The following MINDY3 variants were observed in gnomAD, a reference collection of about 807,000 sequenced individuals.
MINDY3 encodes MINDY lysine 48 deubiquitinase 3.
Under a neutral mutation model 69.2 loss-of-function variants are expected in MINDY3, and 38 were observed. The ratio of observed to expected loss-of-function variants is 0.55; its 90% CI spans 0.42 to 0.72. The LOEUF (loss-of-function observed/expected upper bound fraction) is 0.72, where lower values mean the gene tolerates loss of function less well. MINDY3 is among the 30% of genes least tolerant of loss of function. The probability of loss-of-function intolerance (pLI) is 0.00; values close to 1 mark genes in which losing one functional copy is unlikely to be tolerated. For synonymous variants in MINDY3, 192 were observed against 180.1 expected (o/e 1.07, Z -0.53); for missense variants, 522 against 519.0 (o/e 1.01, Z -0.06).
At chr10:15,819,475 G>A (rs1486619944) in intron 9 of MINDY3, among the ~76,000 whole-genome samples, 1 of 152,092 alleles carries the variant, frequency 6.6e-6, no homozygotes, top group African/African-American at 2.4e-5. Context: ...CACACTCCAG[G>A]GATCACCCTA....
intron 10 of MINDY3, among the ~76,000 whole-genome samples, chr10:15,816,288 GA>G (rs1331576458): frequency 0.023 from 2,631 of 113,948 alleles, 112 homozygotes; most frequent in African/African-American, 0.13. Context: ...AAATGAAAAA[GA>G]AAAAAAATAA....
intron 6 of MINDY3, among the ~76,000 whole-genome samples, chr10:15,835,722 C>A (rs1461108507): frequency 6.8e-6 from 1 of 146,078 alleles, no homozygotes; most frequent in Non-Finnish European, 1.5e-5. Context: ...ATCTTAGATA[C>A]CACCATCACA....
At chr10:15,856,718 G>A (rs1010445394) in intron 1 of MINDY3, among the ~76,000 whole-genome samples, 1 of 152,142 alleles carries the variant, frequency 6.6e-6, no homozygotes, top group African/African-American at 2.4e-5. Context: ...CAAACACTGA[G>A]CTAAGCAATC....
At chr10:15,829,850 T>C (rs1046024232) in intron 8 of MINDY3, among the ~76,000 whole-genome samples, 3 of 152,174 alleles carry the variant, frequency 2.0e-5, no homozygotes, top group Admixed American at 6.5e-5. Context: ...TTAACCTCAA[T>C]GCACAGGTAA....
At chr10:15,786,505 T>A (rs945638080) in intron 13 of MINDY3, 56 bp downstream of exon 13, 9 of 1,040,418 alleles carry the variant, frequency 8.7e-6, no homozygotes, top group Admixed American at 2.0e-5. Flanking sequence ...CTGCAAACAA[T>A]CACAGGTAAT....
In MINDY3 at chr10:15,778,366, C is replaced by T. The variant is rs1462298444; in HGVS notation, c.*626G>A. On this transcript the variant is annotated 3_prime_UTR_variant, in exon 15 of 15. Coordinates refer to ENST00000277632, the MANE Select transcript of MINDY3 (RefSeq NM_024948.4). The stretch of plus-strand genomic sequence containing the variant: ...ACACAGTAAAAGTTAACAGTGTTGA[C>T]TATCAGATTCTCTTTTCTGTCAGTT... 6.6e-6 allele frequency: 1 copy of T among 152,130 alleles called. No individual in the cohort carries two copies. The highest frequency in any genetic ancestry group is 1.9e-4 in the East Asian group (1 of 5,194). The allele number at this position is 152,130 out of a possible 1,614,324, so 9.4% of individuals were successfully genotyped here.
intron 13 of MINDY3, among the ~76,000 whole-genome samples, chr10:15,785,054 C>T (rs1256550240): frequency 6.6e-6 from 1 of 152,154 alleles, no homozygotes; most frequent in African/African-American, 2.4e-5. Context: ...CTTAAAGTCT[C>T]TGCTTCAGGG....
chr10:15,848,574 C>T (rs1834019391), intron 1 of MINDY3, among the ~76,000 whole-genome samples: 1 of 128,260 alleles, frequency 7.8e-6, no homozygotes, highest in Admixed American at 9.7e-5. Flanking sequence ...GCGGAGCTTG[C>T]ACTGAGCTGA....
At chr10:15,798,632 T>C (rs1564468110) in intron 10 of MINDY3, among the ~76,000 whole-genome samples, 2 of 151,928 alleles carry the variant, frequency 1.3e-5, no homozygotes. Context: ...ATACAAAAAA[T>C]AGCTGGGTGT....
At chr10:15,804,828 T>A (rs1051272109) in intron 10 of MINDY3, among the ~76,000 whole-genome samples, 8 of 152,112 alleles carry the variant, frequency 5.3e-5, no homozygotes, top group Admixed American at 2.0e-4. Flanking sequence ...ATTCAGTTAA[T>A]CCCAATACCT....
At chr10:15,820,279 C>T (rs574503495) in intron 9 of MINDY3, among the ~76,000 whole-genome samples, 3 of 152,140 alleles carry the variant, frequency 2.0e-5, no homozygotes, top group African/African-American at 4.8e-5. Flanking sequence ...GAGGGCTCGG[C>T]GTGTCTGGGA....
chr10:15,849,460 TC>T (rs376952449), intron 1 of MINDY3, among the ~76,000 whole-genome samples: 3 of 151,882 alleles, frequency 2.0e-5, no homozygotes, highest in East Asian at 3.9e-4. Context: ...TTTTTTTTTT[TC>T]TTTTTCCTTT....
intron 10 of MINDY3, among the ~76,000 whole-genome samples, chr10:15,803,903 T>C (rs768243418): frequency 2.6e-5 from 4 of 152,168 alleles, no homozygotes; most frequent in Admixed American, 6.6e-5. Flanking sequence ...CACTTGCATT[T>C]TCTTTTCTTC....
In MINDY3 at chr10:15,849,712, G is replaced by C. The variant is rs374331409; in HGVS notation, c.95-1769C>G. ...TGAGAGCAATGGAGAGGGTGCCAGA[G>C]AGGGTGCCATTCCATCCCATCTCCT... On this transcript the variant is annotated intron_variant, in intron 1 of 14. Transcript: ENST00000277632. 2.0e-5 allele frequency among the ~76,000 whole-genome samples: 3 copies of C among 152,292 alleles called. No homozygotes were observed. The East Asian group carries it at 5.8e-4, about 29-fold the overall frequency.
chr10:15,837,081 C>CTTA, intron 6 of MINDY3, 123 bp downstream of exon 6: 1 of 584,446 alleles, frequency 1.7e-6, no homozygotes, highest in African/African-American at 2.0e-5. Flanking sequence ...TCATTTTCAA[C>CTTA]GTAAAAGATT....
At chr10:15,831,294 A>T (rs566401768) in intron 8 of MINDY3, among the ~76,000 whole-genome samples, 32 of 152,322 alleles carry the variant, frequency 2.1e-4, no homozygotes, top group African/African-American at 7.7e-4. Context: ...AGCAATAATC[A>T]GCCTGGCAGT....
At chr10:15,838,102 GATTTAAA>G in intron 5 of MINDY3, 119 bp downstream of exon 5, 1 of 1,290,742 alleles carries the variant, frequency 7.7e-7, no homozygotes, top group Non-Finnish European at 9.9e-7. Context: ...TGAAGCAATG[GATTTAAA>G]ATTTATGTTT....
At chr10:15,836,755 A>T (rs1176854591) in intron 6 of MINDY3, among the ~76,000 whole-genome samples, 1 of 151,824 alleles carries the variant, frequency 6.6e-6, no homozygotes, top group East Asian at 1.9e-4. Context: ...GAGAGAAAAG[A>T]GCAGGAGGTA....
chr10:15,784,021 T>TGAC (rs1172137592), intron 13 of MINDY3, among the ~76,000 whole-genome samples: 1 of 152,218 alleles, frequency 6.6e-6, no homozygotes, highest in Admixed American at 6.5e-5. Context: ...ACCTAGTGTA[T>TGAC]GACCTTAAAC....
Sources: allele counts gnomAD v4.1 joint callset (sites outside exome capture counted in the v4.1 genomes callset), GRCh38; gene constraint gnomAD v4.1.1; transcripts MANE v1.5; gene names NCBI Gene and HGNC (gene_info 2026-07-23, HGNC 2026-07-21).